The following KCNH8 variants were observed in gnomAD, a reference collection of about 807,000 sequenced individuals.
KCNH8 encodes the protein voltage-gated delayed rectifier potassium channel KCNH8.
KCNH8 carries 70 observed loss-of-function variants against 103.6 expected under a neutral mutation model. The observed-to-expected ratio is 0.68, with a 90% CI of 0.56 to 0.82. The LOEUF is 0.82. Among genes scored for constraint, KCNH8 ranks in the 40% least tolerant of loss-of-function variants. The pLI is 0.00. For missense variants in KCNH8, 1,217 were observed against 1,329.9 expected (o/e 0.92, Z 1.32); for synonymous variants, 498 against 489.4 (o/e 1.02, Z -0.23).
chr3:19,159,208 A>C (rs1219879224), intron 1 of KCNH8, among the ~76,000 whole-genome samples: 1 of 151,846 alleles, frequency 6.6e-6, no homozygotes, highest in South Asian at 2.1e-4. Context: ...ATATTGAACT[A>C]TCTTTGCATC....
intron 1 of KCNH8, among the ~76,000 whole-genome samples, chr3:19,152,564 G>A (rs2063140772): frequency 6.6e-6 from 1 of 152,130 alleles, no homozygotes; most frequent in African/African-American, 2.4e-5. Flanking sequence ...CAAAATAATG[G>A]TTGTTTAGAA....
intron 11 of KCNH8, among the ~76,000 whole-genome samples, chr3:19,508,931 C>T (rs138979925): frequency 1.3e-3 from 204 of 152,306 alleles, no homozygotes; most frequent in African/African-American, 4.6e-3. Flanking sequence ...ATATCTCTAA[C>T]GGTATCTGTG....
At chr3:19,342,840 G>A in intron 4 of KCNH8, 126 bp downstream of exon 4, 1 of 883,414 alleles carries the variant, frequency 1.1e-6, no homozygotes, top group Non-Finnish European at 1.7e-6. Flanking sequence ...ACTTTGGTTT[G>A]TGCTTTTCTA....
chr3:19,499,031 G>T (rs568851555), intron 11 of KCNH8, among the ~76,000 whole-genome samples: 1 of 152,230 alleles, frequency 6.6e-6, no homozygotes, highest in East Asian at 1.9e-4. Context: ...AAAAGAAGTT[G>T]AGAACTTTGA....
intron 1 of KCNH8, among the ~76,000 whole-genome samples, chr3:19,238,848 G>A (rs1199004401): frequency 6.6e-6 from 1 of 152,198 alleles, no homozygotes; most frequent in Non-Finnish European, 1.5e-5. Context: ...CTAGCAGTGA[G>A]CAGGAGAAGC....
chr3:19,501,463 G>C (rs1288446791), intron 11 of KCNH8, among the ~76,000 whole-genome samples: 1 of 152,152 alleles, frequency 6.6e-6, no homozygotes, highest in African/African-American at 2.4e-5. Context: ...GCCGGGCAGA[G>C]ACACAACCAA....
At chr3:19,522,177 A>T (rs763112208) in intron 15 of KCNH8, among the ~76,000 whole-genome samples, 1 of 151,974 alleles carries the variant, frequency 6.6e-6, no homozygotes, top group Non-Finnish European at 1.5e-5. Flanking sequence ...AAACAAAAAA[A>T]AAATGAGCTT....
chr3:19,220,412 T>C (rs1327734095), intron 1 of KCNH8, among the ~76,000 whole-genome samples: 5 of 152,200 alleles, frequency 3.3e-5, no homozygotes, highest in African/African-American at 4.8e-5. Flanking sequence ...CAAAAATAAA[T>C]GCTGAAACAC....
Position 19,451,378 on chromosome 3 carries a change from A to T in KCNH8, c.1799A>T (p.Lys600Ile). Residue 600 changes from lysine (K) to isoleucine (I), a missense_variant, in exon 10 of 16, where the codon AAA (lysine) becomes ATA (isoleucine). Around this residue, in one of 3 missense-constraint regions of KCNH8, gnomAD observed 415 missense variants for 577.4 expected, o/e 0.72. Transcript: ENST00000328405. The stretch of plus-strand genomic sequence containing the variant: ...TGCTCGGGCTCCATGGAAGTTCTTA[A>T]AGACAGCATGGTGCTGGCTATTCTT... ...FVCSGSMEVL[K>I]DSMVLAILGK... The T allele has an allele frequency of 6.2e-7, 1 of 1,613,692 alleles. No homozygotes were observed. The highest frequency in any genetic ancestry group is 8.5e-7 in the Non-Finnish European group (1 of 1,179,766).
At chr3:19,237,196 GT>G in intron 1 of KCNH8, among the ~76,000 whole-genome samples, 1 of 152,192 alleles carries the variant, frequency 6.6e-6, no homozygotes, top group Non-Finnish European at 1.5e-5. Flanking sequence ...TTTAATTGGT[GT>G]TTTCGTTGTT....
At chr3:19,183,955 G>A (rs1352327775) in intron 1 of KCNH8, among the ~76,000 whole-genome samples, 1 of 152,086 alleles carries the variant, frequency 6.6e-6, no homozygotes, top group East Asian at 1.9e-4. Context: ...CAAGAATTTA[G>A]AGAAAGGGAT....
chr3:19,421,311 C>G (rs1454907526), intron 7 of KCNH8, among the ~76,000 whole-genome samples: 1 of 152,060 alleles, frequency 6.6e-6, no homozygotes. Context: ...ATATTTTGAT[C>G]TACCATTTTG....
intron 2 of KCNH8, among the ~76,000 whole-genome samples, chr3:19,279,661 T>A (rs1032598080): frequency 6.6e-6 from 1 of 151,964 alleles, no homozygotes; most frequent in East Asian, 1.9e-4. Flanking sequence ...ATGTGTAACT[T>A]ATGAGAGCAG....
intron 1 of KCNH8, among the ~76,000 whole-genome samples, chr3:19,170,600 A>C (rs1202332697): frequency 4.2e-5 from 6 of 144,286 alleles, no homozygotes; most frequent in African/African-American, 1.6e-4. Flanking sequence ...ATATATATAT[A>C]TATATATATG....
intron 7 of KCNH8, among the ~76,000 whole-genome samples, chr3:19,404,822 G>T (rs982353185): frequency 1.3e-5 from 2 of 151,552 alleles, no homozygotes; most frequent in East Asian, 1.9e-4. Flanking sequence ...TCAAATAATC[G>T]ATTTATTTCC....
intron 10 of KCNH8, among the ~76,000 whole-genome samples, chr3:19,454,952 G>A (rs998480091): frequency 2.1e-4 from 32 of 152,084 alleles, no homozygotes; most frequent in African/African-American, 7.5e-4. Context: ...TTTCCCTATA[G>A]CAATATTGCC....
At chr3:19,289,672 T>C (rs2064889301) in intron 3 of KCNH8, among the ~76,000 whole-genome samples, 1 of 152,162 alleles carries the variant, frequency 6.6e-6, no homozygotes, top group Non-Finnish European at 1.5e-5. Context: ...TGCCTCCAGC[T>C]TTTGGCTGGA....
At position 19,374,289 on chromosome 3, in the gene KCNH8, A is replaced by G. The variant is rs377690734; in HGVS notation, c.812-16192A>G. ...CAGGACTGGCTTTATGAATCTGGGT[A>G]CTCCTGTATTGGGTGCATATCTATT... is the stretch of plus-strand genomic sequence containing the variant. On this transcript the variant is annotated intron_variant, in intron 5 of 15. Transcript: ENST00000328405. 4.0e-4 allele frequency among the ~76,000 whole-genome samples: 60 copies of G among 151,560 alleles called. 1 individual carries two copies. In the South Asian group the frequency reaches 9.0e-3, roughly 23 times the overall value.
chr3:19,316,343 A>G (rs1268846043), intron 3 of KCNH8, among the ~76,000 whole-genome samples: 1 of 151,940 alleles, frequency 6.6e-6, no homozygotes, highest in African/African-American at 2.4e-5. Context: ...ACATTGTCAG[A>G]TATCCCCTTA....
Sources: gnomAD v4.1 joint callset for allele counts (sites outside exome capture counted in the v4.1 genomes callset) on GRCh38, gnomAD v4.1.1 for gene constraint, gnomAD v4.1.1 regional missense constraint, MANE v1.5 for transcripts, NCBI Gene and HGNC (gene_info 2026-07-23, HGNC 2026-07-21) for gene names.